Variants in DNAAF5 observed in about 807,000 individuals in gnomAD.
The protein encoded by DNAAF5 is dynein axonemal assembly factor 5, also known as HEAT repeat containing 2.
In DNAAF5, 64 loss-of-function variants were observed where a neutral mutation model predicts 75.8. The observed-to-expected ratio is 0.84, with a 90% CI of 0.69 to 1.04. The LOEUF (loss-of-function observed/expected upper bound fraction) is 1.04. Among genes scored for constraint, DNAAF5 ranks in the 50% least tolerant of loss-of-function variants. The pLI is 0.00. For missense variants in DNAAF5, 1,269 were observed against 1,178.5 expected (o/e 1.08, Z -1.12); for synonymous variants, 657 against 557.2 (o/e 1.18, Z -2.52).
intron 4 of DNAAF5, among the ~76,000 whole-genome samples, chr7:748,524 T>C (rs1012311906): frequency 6.6e-6 from 1 of 152,192 alleles, no homozygotes; most frequent in African/African-American, 2.4e-5. Context: ...TGCAGGTCCC[T>C]CATCAGACTG....
In DNAAF5 at chr7:729,822, A is replaced by T; in HGVS notation, c.755A>T (p.Gln252Leu). Residue 252 changes from glutamine to leucine, a missense_variant, in exon 2 of 13, where the codon CAG becomes CTG. Physicochemically the swap from Gln to Leu is moderately radical, Grantham distance 113. Transcript: ENST00000297440. ...GACGACGTGCTTTCCCATTTTGCTC[A>T]GCGACTGTTTGATGACGTCCCGCAG... ...SVDDVLSHFAQRLFDDVPQVR... is the reference protein window; with the variant it reads ...SVDDVLSHFALRLFDDVPQVR... 6.2e-7 allele frequency: 1 copy of T among 1,614,222 alleles called. No individual in the cohort carries two copies. The highest frequency in any genetic ancestry group is 8.5e-7 in the Non-Finnish European group (1 of 1,180,042).
intron 4 of DNAAF5, among the ~76,000 whole-genome samples, chr7:745,372 G>T (rs780752916): frequency 7.2e-5 from 11 of 152,314 alleles, no homozygotes; most frequent in South Asian, 6.2e-4. Context: ...TGGAAGGTAC[G>T]ATCTATGATC....
intron 8 of DNAAF5, chr7:768,497 G>GAGCTCGCGCTGGGAGGGCAGA (rs1423907116): frequency 2.0e-5 from 3 of 152,316 alleles, no homozygotes; most frequent in Admixed American, 1.3e-4. Context: ...CAGCGAGCAG[G>GAGCTCGCGCTGGGAGGGCAGA]AGCTCGCGCT....
chr7:731,433 G>GT (rs1781559662), intron 2 of DNAAF5, among the ~76,000 whole-genome samples: 1 of 152,146 alleles, frequency 6.6e-6, no homozygotes, highest in Non-Finnish European at 1.5e-5. Context: ...TAACTATACC[G>GT]TAACTCTAAA....
intron 9 of DNAAF5, among the ~76,000 whole-genome samples, chr7:773,501 A>G (rs1778641166): frequency 6.6e-6 from 1 of 152,132 alleles, no homozygotes; most frequent in Admixed American, 6.5e-5. Context: ...ACAGGGTGGG[A>G]ACTGCCCGTC....
chr7:745,837 A>G (rs1782083228), intron 4 of DNAAF5, among the ~76,000 whole-genome samples: 2 of 152,244 alleles, frequency 1.3e-5, no homozygotes, highest in South Asian at 4.1e-4. Flanking sequence ...GTGGAAACAC[A>G]GGCTCTTTGG....
At chr7:761,375 A>G (rs868381046) in intron 6 of DNAAF5, among the ~76,000 whole-genome samples, 12 of 152,322 alleles carry the variant, frequency 7.9e-5, no homozygotes, top group African/African-American at 2.9e-4. Context: ...GTATTAGTCC[A>G]TTCTCATGTC....
Position 741,374 on chromosome 7 carries a change from C to T in DNAAF5, c.933C>T (p.Asp311=), listed in dbSNP as rs139879811. Residue 311 remains aspartate, a synonymous_variant, in exon 4 of 13, where the codon GAC becomes GAT. Transcript: ENST00000297440. ...AGCTGGCTGCCAGCCTCTGGGAGGA[C>T]GTTGGCCTGCAGTGGCAGAAGGAGA... The part of the protein sequence containing the change: ...VRQLAASLWE[D]VGLQWQKENE... 110 of 1,587,086 alleles carry T rather than the reference C, an allele frequency of 6.9e-5. No homozygotes were observed. In the African/African-American group the frequency reaches 1.0e-3, roughly 15 times the overall value.
intron 5 of DNAAF5, among the ~76,000 whole-genome samples, chr7:755,385 C>T (rs927387928): frequency 7.2e-5 from 11 of 152,320 alleles, no homozygotes; most frequent in African/African-American, 1.9e-4. Context: ...CTCACTAGGC[C>T]GGGCCACGCC....
In DNAAF5 at chr7:754,369, A is replaced by T. The variant is rs1583495726; in HGVS notation, c.1025-220A>T. Among the ~76,000 whole-genome samples, 2 of 151,974 alleles carry T rather than the reference A, an allele frequency of 1.3e-5. No homozygotes were observed. Among genetic ancestry groups the T allele is most frequent in the Admixed American group, 1.3e-4 (2 of 15,264 alleles). On this transcript the variant is annotated intron_variant, in intron 4 of 12. Coordinates refer to ENST00000297440, the MANE Select transcript of DNAAF5 (RefSeq NM_017802.4). This position sits in a 1 kb window ranked among gnomAD's most constrained non-coding sequence, Gnocchi z 4.8. ...TTGACTTCCTGGGCTCTAGTGATCC[A>T]CCTGCCTTGGCCTCCACAGGGCTAG...
chr7:757,815 C>A (rs114023909), intron 6 of DNAAF5, among the ~76,000 whole-genome samples: 2 of 152,246 alleles, frequency 1.3e-5, no homozygotes, highest in South Asian at 2.1e-4. Context: ...CGGGCCTCAG[C>A]TCACCCCTGG....
rs117174147 is a variant in DNAAF5 at position 754,436 on chromosome 7, G to A, written c.1025-153G>A. 1.3e-5 allele frequency among the ~76,000 whole-genome samples: 2 copies of A among 152,288 alleles called. No individual in the cohort carries two copies. Among genetic ancestry groups the A allele is most frequent in the East Asian group, 1.9e-4 (1 of 5,174 alleles). On this transcript the variant is annotated intron_variant, in intron 4 of 12. Transcript: ENST00000297440. The surrounding 1 kb of genome is among the most constrained non-coding windows in gnomAD (Gnocchi z 4.8). ...CGCCTCTGTGAATGTTCTGAACGAC[G>A]GGGCATTTGTCAGCTTTGCGTCCAC... is the stretch of plus-strand genomic sequence containing the variant.
In DNAAF5 at chr7:770,490, C is replaced by T. The variant is rs1276444942; in HGVS notation, c.1803C>T (p.Ala601=). The T allele has an allele frequency of 3.1e-6, 5 of 1,613,494 alleles. No individual in the cohort carries two copies. Among genetic ancestry groups the T allele is most frequent in the Non-Finnish European group, 4.2e-6 (5 of 1,179,942 alleles). The change falls in exon 9 of 13, where the codon GCC becomes GCT. Residue 601 remains alanine, a synonymous_variant. Transcript: ENST00000297440. Reference sequence around the variant, plus strand: ...TTACAGGCCCTGCCCTGGGAGAAGCCCTGCCACACGTCGTGCCCACGCTGA... The same window carrying T: ...TTACAGGCCCTGCCCTGGGAGAAGCTCTGCCACACGTCGTGCCCACGCTGA... ...VAQSGPALGE[A]LPHVVPTLRA... is the part of the protein sequence containing the mutation.
intron 11 of DNAAF5, among the ~76,000 whole-genome samples, chr7:776,024 G>A (rs902428406): frequency 6.6e-6 from 1 of 152,186 alleles, no homozygotes; most frequent in Admixed American, 6.5e-5. Context: ...AAGTTTGATG[G>A]TGGCTTGTTT....
At chr7:734,906 TCA>T (rs757921575) in intron 2 of DNAAF5, among the ~76,000 whole-genome samples, 1 of 152,050 alleles carries the variant, frequency 6.6e-6, no homozygotes, top group African/African-American at 2.4e-5. Flanking sequence ...ACGGTGTTGC[TCA>T]CAGTGTCGTT....
chr7:767,946 G>A (rs1362170060), intron 8 of DNAAF5, among the ~76,000 whole-genome samples: 2 of 150,534 alleles, frequency 1.3e-5, no homozygotes, highest in East Asian at 2.0e-4. Flanking sequence ...ACGTGGCTCC[G>A]GGCAGAAGTG....
chr7:785,743 C>A lies in DNAAF5; in HGVS notation c.*90C>A. The A allele has an allele frequency of 6.8e-7, 1 of 1,465,690 alleles. No individual in the cohort carries two copies. Among genetic ancestry groups the A allele is most frequent in the South Asian group, 1.3e-5 (1 of 79,256 alleles). The allele number at this position is 1,465,690 out of a possible 1,614,324, so 90.8% of individuals were successfully genotyped here. A position where few individuals can be genotyped will look rare whatever the true frequency, so the allele number is the denominator to read the frequency against. ...TCTCATAAACAAGGCACCTCTGTGC[C>A]AGCAGTGAGACTGTGACAGCAAGAA... On this transcript the variant is annotated 3_prime_UTR_variant, in exon 13 of 13. Coordinates refer to ENST00000297440, the MANE Select transcript of DNAAF5 (RefSeq NM_017802.4).
intron 5 of DNAAF5, 90 bp from the exon 6 acceptor site, chr7:756,692 C>A: frequency 8.6e-7 from 1 of 1,165,526 alleles, no homozygotes; most frequent in Non-Finnish European, 1.3e-6. Flanking sequence ...TGGTGCACGG[C>A]TGTGTCTGGG....
chr7:768,436 G>A (rs4720930), intron 8 of DNAAF5: 117,654 of 146,818 alleles, frequency 0.8, 46,868 homozygotes, highest in South Asian at 0.86. Flanking sequence ...TGCTGCGAGT[G>A]GGCGCTCCGG....
Sources: allele counts gnomAD v4.1 joint callset (sites outside exome capture counted in the v4.1 genomes callset), GRCh38; gene constraint gnomAD v4.1.1; non-coding constraint Gnocchi (gnomAD v3.1); transcripts MANE v1.5; gene names NCBI Gene and HGNC (gene_info 2026-07-23, HGNC 2026-07-21).